SMAP1: variants seen among roughly 807,000 people sequenced by gnomAD.
The protein encoded by SMAP1 is stromal membrane-associated protein 1.
In SMAP1, 24 loss-of-function variants were observed where a neutral mutation model predicts 58.5. That is an observed-to-expected ratio of 0.41 (90% CI 0.30 to 0.58). The LOEUF is 0.58. Among genes scored for constraint, SMAP1 ranks in the 20% least tolerant of loss-of-function variants. The pLI is 0.29. For synonymous variants in SMAP1, 216 were observed against 196.6 expected, an observed-to-expected ratio of 1.10 and a Z score of -0.82; for missense variants, 563 against 566.3, an observed-to-expected ratio of 0.99 and a Z score of 0.06.
At chr6:70,808,609 G>T (rs1259705885) in intron 6 of SMAP1, among the ~76,000 whole-genome samples, 2 of 152,138 alleles carry the variant, frequency 1.3e-5, no homozygotes, top group African/African-American at 4.8e-5. Context: ...TTGCCTCGAT[G>T]ATCTCTAGAG....
chr6:70,858,091 G>A lies in SMAP1; in HGVS notation c.1131G>A (p.Met377Ile). ...MVGMPMPNGF[M>I]GNAQTGVMPL... Reference sequence around the variant, plus strand: ...GCATGCCCATGCCCAATGGGTTTATGGGAAATGCACAAACTGGTGTGATGC... The same window carrying A: ...GCATGCCCATGCCCAATGGGTTTATAGGAAATGCACAAACTGGTGTGATGC... The change falls in exon 10 of 11, where the codon ATG becomes ATA. Residue 377 changes from methionine (M) to isoleucine (I), a missense_variant. Physicochemically the swap from Met to Ile is conservative, Grantham distance 10 (BLOSUM62 1). Around this residue, in one of 3 missense-constraint regions of SMAP1, gnomAD observed 494 missense variants for 473.8 expected, o/e 1.04. Transcript: ENST00000370455. 1.2e-6 allele frequency: 2 copies of A among 1,614,036 alleles called. No individual in the cohort carries two copies. The highest frequency in any genetic ancestry group is 1.7e-6 in the Non-Finnish European group (2 of 1,179,978).
At chr6:70,736,482 C>A (rs566302150) in intron 2 of SMAP1, among the ~76,000 whole-genome samples, 4 of 151,876 alleles carry the variant, frequency 2.6e-5, no homozygotes, top group African/African-American at 9.7e-5. Flanking sequence ...TCAAACAAAT[C>A]CCTGTATATG....
intron 1 of SMAP1, among the ~76,000 whole-genome samples, chr6:70,709,607 C>T (rs182625929): frequency 2.0e-5 from 3 of 152,282 alleles, no homozygotes; most frequent in Admixed American, 6.5e-5. Context: ...TAGGTGTGAG[C>T]CACTGCACCC....
At chr6:70,742,510 A>G in intron 2 of SMAP1, among the ~76,000 whole-genome samples, 1 of 152,098 alleles carries the variant, frequency 6.6e-6, no homozygotes, top group East Asian at 1.9e-4. Context: ...CATCCATATC[A>G]TTATCAGCAT....
intron 3 of SMAP1, among the ~76,000 whole-genome samples, chr6:70,768,418 C>T (rs1391337205): frequency 6.6e-6 from 1 of 152,194 alleles, no homozygotes; most frequent in Non-Finnish European, 1.5e-5. Flanking sequence ...ATTATTGCCA[C>T]AATTTCAGCT....
intron 1 of SMAP1, among the ~76,000 whole-genome samples, chr6:70,690,640 A>G (rs1767122292): frequency 1.3e-5 from 2 of 151,446 alleles, no homozygotes; most frequent in Admixed American, 1.3e-4. Flanking sequence ...ATTTTCACAC[A>G]TTAAACTGCA....
chr6:70,744,412 G>C (rs1242661739), intron 2 of SMAP1, among the ~76,000 whole-genome samples: 1 of 152,046 alleles, frequency 6.6e-6, no homozygotes, highest in Admixed American at 6.6e-5. Flanking sequence ...CTATGAGTGA[G>C]AACATATGGT....
chr6:70,785,170 C>T (rs922521005), intron 4 of SMAP1, among the ~76,000 whole-genome samples: 3 of 152,316 alleles, frequency 2.0e-5, no homozygotes, highest in Admixed American at 6.5e-5. Context: ...CGCTCAGCTA[C>T]ATGGAAACTG....
At chr6:70,693,035 G>A (rs1344700884) in intron 1 of SMAP1, among the ~76,000 whole-genome samples, 4 of 151,982 alleles carry the variant, frequency 2.6e-5, no homozygotes, top group African/African-American at 9.7e-5. Context: ...TGCCCACCTC[G>A]GCCTCCCAAA....
chr6:70,757,497 A>G (rs1456656603), intron 3 of SMAP1, among the ~76,000 whole-genome samples: 1 of 152,116 alleles, frequency 6.6e-6, no homozygotes, highest in African/African-American at 2.4e-5. Flanking sequence ...AGCAATGGCA[A>G]CAAAAGCCAA....
chr6:70,837,764 T>G (rs563508806), intron 7 of SMAP1: 1 of 1,220,572 alleles, frequency 8.2e-7, no homozygotes, highest in South Asian at 1.5e-5. Flanking sequence ...ATAATTTAAA[T>G]TTTTCTTTTT....
intron 3 of SMAP1, among the ~76,000 whole-genome samples, chr6:70,771,457 G>A (rs1046991066): frequency 1.7e-4 from 26 of 152,204 alleles, no homozygotes; most frequent in African/African-American, 5.3e-4. Flanking sequence ...GGGCAATGGC[G>A]GGCGCCCCTC....
Position 70,700,529 on chromosome 6 carries a change from C to T in SMAP1, c.119-31849C>T, listed in dbSNP as rs1171401426. Among the ~76,000 whole-genome samples, 3 of 152,202 alleles carry T rather than the reference C, an allele frequency of 2.0e-5. 1 individual carries two copies. Among genetic ancestry groups the T allele is most frequent in the Admixed American group, 1.3e-4 (2 of 15,282 alleles). ...GCCAGACAGGTCTCAAACTCCTGGC[C>T]TCAAGTGATCCACCTGCCTTGGCCT... On this transcript the variant is annotated intron_variant, in intron 1 of 10. Coordinates refer to ENST00000370455, the MANE Select transcript of SMAP1 (RefSeq NM_001044305.3).
chr6:70,734,148 C>CT (rs55844971), intron 2 of SMAP1, among the ~76,000 whole-genome samples: 29 of 149,586 alleles, frequency 1.9e-4, no homozygotes, highest in South Asian at 6.4e-4. Context: ...CTCTTCCCAT[C>CT]TTTTTTTTTT....
Position 70,791,321 on chromosome 6 carries a change from T to C in SMAP1, c.415-368T>C, listed in dbSNP as rs534069762. Among the ~76,000 whole-genome samples the C allele has an allele frequency of 7.3e-4, 111 of 152,166 alleles. 1 individual carries two copies. Among genetic ancestry groups the C allele is most frequent in the Non-Finnish European group, 1.3e-3 (87 of 68,026 alleles). Reference sequence around the variant, plus strand: ...TTTGCTCTTCTACTACTTGGGACAGTGTGTCTTTACGTTTCAGAGCATTTG... The same window carrying C: ...TTTGCTCTTCTACTACTTGGGACAGCGTGTCTTTACGTTTCAGAGCATTTG... On this transcript the variant is annotated intron_variant, in intron 4 of 10. Coordinates refer to ENST00000370455, the MANE Select transcript of SMAP1 (RefSeq NM_001044305.3).
At position 70,668,065 on chromosome 6, in the gene SMAP1, C is replaced by A. The variant is rs1370738705; in HGVS notation, c.42C>A (p.Asn14Lys). The change falls in exon 1 of 11, where the codon AAC (asparagine) becomes AAA (lysine). Residue 14 changes from asparagine to lysine, a missense_variant. By Grantham distance (94) the Asn-to-Lys change is moderately conservative. Coordinates refer to ENST00000370455, the MANE Select transcript of SMAP1 (RefSeq NM_001044305.3). ...GTCGGGAGAAGGCTCAGAAGCTGAA[C>A]GAGCAGCACCAGCTCATCCTATCCA... ...RSCREKAQKL[N>K]EQHQLILSKL... is the part of the protein sequence containing the mutation. 1 of 1,604,282 alleles carries A rather than the reference C, an allele frequency of 6.2e-7. No individual in the cohort carries two copies. Among genetic ancestry groups the A allele is most frequent in the East Asian group, 2.3e-5 (1 of 43,742 alleles).
chr6:70,703,829 C>G (rs1275243364), intron 1 of SMAP1, among the ~76,000 whole-genome samples: 1 of 152,210 alleles, frequency 6.6e-6, no homozygotes, highest in Admixed American at 6.5e-5. Flanking sequence ...AGATCCATTT[C>G]CTGGAGTTAG....
intron 5 of SMAP1, among the ~76,000 whole-genome samples, chr6:70,796,135 A>G (rs1768597899): frequency 6.6e-6 from 1 of 152,148 alleles, no homozygotes; most frequent in Non-Finnish European, 1.5e-5. Context: ...ATTTTTGCAC[A>G]TCCTATTTAT....
intron 2 of SMAP1, among the ~76,000 whole-genome samples, chr6:70,753,398 A>C (rs1232082294): frequency 6.6e-6 from 1 of 152,160 alleles, no homozygotes; most frequent in Non-Finnish European, 1.5e-5. Flanking sequence ...GCTTCATTGC[A>C]GACTAAGGCA....
Sources: allele counts gnomAD v4.1 joint callset (sites outside exome capture counted in the v4.1 genomes callset), GRCh38; gene constraint gnomAD v4.1.1; regional missense constraint gnomAD v4.1.1; transcripts MANE v1.5; gene names NCBI Gene and HGNC (gene_info 2026-07-23, HGNC 2026-07-21).